The following SMIM35 variants were observed in gnomAD, a reference collection of about 807,000 sequenced individuals.
SMIM35 encodes the protein TMPRSS4 antisense RNA 1 (non-protein coding).
intron 1 of SMIM35, among the ~76,000 whole-genome samples, chr11:118,045,573 A>G (rs1268133063): frequency 6.6e-6 from 1 of 152,214 alleles, no homozygotes; most frequent in African/African-American, 2.4e-5. Flanking sequence ...GGTATCATCA[A>G]TTTCACATGA....
chr11:118,024,449 T>C (rs1045240678), intron 1 of SMIM35, among the ~76,000 whole-genome samples: 3 of 152,072 alleles, frequency 2.0e-5, no homozygotes, highest in African/African-American at 7.2e-5. Context: ...TTATAAAGGG[T>C]GAGGCCAGTT....
chr11:118,055,013 C>T (rs537350105), intron 1 of SMIM35, among the ~76,000 whole-genome samples: 59 of 152,178 alleles, frequency 3.9e-4, no homozygotes, highest in African/African-American at 1.2e-3. Context: ...CCAAGTTGAT[C>T]GGGCTGGACT....
At chr11:118,039,074 C>G (rs994613352) in intron 1 of SMIM35, among the ~76,000 whole-genome samples, 1 of 152,168 alleles carries the variant, frequency 6.6e-6, no homozygotes, top group East Asian at 1.9e-4. Context: ...GAAGACCACT[C>G]AAGTATTGAA....
intron 1 of SMIM35, chr11:118,077,053 T>C: frequency 2.1e-6 from 1 of 482,766 alleles, no homozygotes; most frequent in Non-Finnish European, 3.7e-6. Context: ...GCTGTTTTAA[T>C]CAAGCTGCCC....
At position 118,077,519 on chromosome 11, in the gene SMIM35, C is replaced by T. The variant is rs191792079; in HGVS notation, c.7+9232G>A. Reference sequence around the variant, plus strand: ...TTCCTCCATTGCCATGGTCCTTGGACCAGCTCACCTAAGAAGCTGAGCACA... The same window carrying T: ...TTCCTCCATTGCCATGGTCCTTGGATCAGCTCACCTAAGAAGCTGAGCACA... On this transcript the variant is annotated intron_variant, in intron 1 of 4. Coordinates refer to ENST00000689828, the MANE Select transcript of SMIM35 (RefSeq NM_001394165.1). Among the ~76,000 whole-genome samples, 5 of 152,322 alleles carry T rather than the reference C, an allele frequency of 3.3e-5. No individual in the cohort carries two copies. The East Asian group carries it at 9.6e-4, about 29-fold the overall frequency.
rs57497227 is a variant in SMIM35, at chr11:118,067,860, CATATATATATAT to C, written c.7+18879_7+18890del. On this transcript the variant is annotated intron_variant, in intron 1 of 4. Transcript: ENST00000689828. ...AAAACAACCACAAAACAACAACAAA[CATATATATATAT>C]ATATATATATATATATATATATATA... Among the ~76,000 whole-genome samples the C allele has an allele frequency of 3.8e-3, 310 of 80,936 alleles. 1 individual carries two copies. Among genetic ancestry groups the C allele is most frequent in the Middle Eastern group, 7.1e-3 (1 of 140 alleles). The allele number at this position is 80,936 out of a possible 152,430, so 53.1% of individuals were successfully genotyped here.
intron 1 of SMIM35, among the ~76,000 whole-genome samples, chr11:118,056,175 C>T (rs1356392732): frequency 6.6e-6 from 1 of 151,962 alleles, no homozygotes; most frequent in South Asian, 2.1e-4. Flanking sequence ...ATTCTATTGG[C>T]CCCTGAGAGG....
At chr11:118,077,597 T>G (rs1944757267) in intron 1 of SMIM35, among the ~76,000 whole-genome samples, 1 of 152,204 alleles carries the variant, frequency 6.6e-6, no homozygotes, top group Non-Finnish European at 1.5e-5. Context: ...CATGTTCTTT[T>G]GCCCAATGTC....
intron 1 of SMIM35, among the ~76,000 whole-genome samples, chr11:118,019,847 A>T (rs1391047780): frequency 1.3e-5 from 2 of 152,184 alleles, no homozygotes; most frequent in Non-Finnish European, 2.9e-5. Context: ...ATATCAAGTT[A>T]AACAGATGTG....
At chr11:118,044,771 C>CGA (rs1204920758) in intron 1 of SMIM35, among the ~76,000 whole-genome samples, 1 of 15,548 alleles carries the variant, frequency 6.4e-5, no homozygotes, top group East Asian at 2.4e-3. Context: ...GACTCCATCT[C>CGA]CAAAAAAAAA....
chr11:118,019,019 A>G (rs551276357), intron 1 of SMIM35, among the ~76,000 whole-genome samples: 2 of 152,216 alleles, frequency 1.3e-5, no homozygotes, highest in Admixed American at 6.5e-5. Flanking sequence ...GTCCTCTCCT[A>G]TCTCTCCCTC....
chr11:118,080,545 G>A (rs768650201), intron 1 of SMIM35, among the ~76,000 whole-genome samples: 7 of 152,108 alleles, frequency 4.6e-5, no homozygotes, highest in African/African-American at 7.2e-5. Flanking sequence ...GGGCTCCTGC[G>A]TGACCCCAGG....
At chr11:118,032,352 T>G (rs1319200568) in intron 1 of SMIM35, among the ~76,000 whole-genome samples, 1 of 152,116 alleles carries the variant, frequency 6.6e-6, no homozygotes, top group Non-Finnish European at 1.5e-5. Flanking sequence ...GGAAATACAT[T>G]CTAGAGTAAT....
At chr11:118,006,675 G>A (rs887693044) in intron 4 of SMIM35, among the ~76,000 whole-genome samples, 15 of 152,206 alleles carry the variant, frequency 9.9e-5, no homozygotes, top group Non-Finnish European at 2.2e-4. Flanking sequence ...AGTGGTGATG[G>A]TAGCTTGTGG....
chr11:118,085,215 ATCT>A (rs199860003), intron 1 of SMIM35, among the ~76,000 whole-genome samples: 2 of 125,150 alleles, frequency 1.6e-5, no homozygotes, highest in South Asian at 3.2e-4. Context: ...GAGGAGTCAG[ATCT>A]TCTTCTTCTT....
chr11:118,067,219 A>G (rs2135132967), intron 1 of SMIM35: 1 of 152,368 alleles, frequency 6.6e-6, no homozygotes, highest in South Asian at 2.1e-4. Context: ...CAACCTGTAC[A>G]TTAAATATTA....
chr11:118,068,869 C>T lies in SMIM35; in HGVS notation c.7+17882G>A, dbSNP rs972123047. 7.2e-5 allele frequency among the ~76,000 whole-genome samples: 11 copies of T among 152,176 alleles called. 1 individual carries two copies. The highest frequency in any genetic ancestry group is 1.7e-4 in the African/African-American group (7 of 41,438). On this transcript the variant is annotated intron_variant, in intron 1 of 4. Coordinates refer to ENST00000689828, the MANE Select transcript of SMIM35 (RefSeq NM_001394165.1). ...CGTGGTCTCTCCCCACGCATCACTCCGTGGCCAGAAGCACTCAGTCAAGCC... is the reference window on the plus strand; with the variant it reads ...CGTGGTCTCTCCCCACGCATCACTCTGTGGCCAGAAGCACTCAGTCAAGCC...
intron 1 of SMIM35, among the ~76,000 whole-genome samples, chr11:118,077,565 G>A (rs1944753787): frequency 6.6e-6 from 1 of 152,156 alleles, no homozygotes; most frequent in South Asian, 2.1e-4. Context: ...TGTCCTTCCC[G>A]ACTATTCTTT....
rs555401745 is a variant in SMIM35, at chr11:118,041,299, A to G, written c.8-25490T>C. ...GGAAATAGAAGATTTGAACAACACT[A>G]CGGACCAACTACACCTAACAGACAT... On this transcript the variant is annotated intron_variant, in intron 1 of 4. Transcript: ENST00000689828. Among the ~76,000 whole-genome samples the G allele has an allele frequency of 9.8e-5, 15 of 152,306 alleles. No individual in the cohort carries two copies. The South Asian group carries it at 2.9e-3, about 29-fold the overall frequency.
Sources: gnomAD v4.1 joint callset for allele counts (sites outside exome capture counted in the v4.1 genomes callset) on GRCh38, gnomAD v4.1.1 for gene constraint, MANE v1.5 for transcripts, NCBI Gene and HGNC (gene_info 2026-07-23, HGNC 2026-07-21) for gene names.